Variants in PSD3 observed in about 807,000 individuals in gnomAD.
PSD3 encodes the protein pleckstrin and Sec7 domain containing 3, also known as PH and SEC7 domain-containing protein 3.
PSD3 carries 49 observed loss-of-function variants against 105.5 expected under a neutral mutation model. That is an observed-to-expected ratio of 0.46 (90% confidence interval 0.37 to 0.59). PSD3 has a LOEUF of 0.59. PSD3 is among the 20% of genes least tolerant of loss of function. PSD3 has a pLI of 0.00. For missense variants in PSD3, 1,561 were observed against 1,263.8 expected (o/e 1.24, Z -3.57); for synonymous variants, 557 against 457.8 (o/e 1.22, Z -2.77).
intron 10 of PSD3, among the ~76,000 whole-genome samples, chr8:18,635,731 G>T (rs1165500051): frequency 2.0e-5 from 3 of 152,092 alleles, no homozygotes; most frequent in Non-Finnish European, 2.9e-5. Flanking sequence ...CATGTCCTTT[G>T]CAGGGACATG....
At chr8:18,543,323 T>C (rs1800253598) in intron 15 of PSD3, among the ~76,000 whole-genome samples, 1 of 152,082 alleles carries the variant, frequency 6.6e-6, no homozygotes, top group African/African-American at 2.4e-5. Flanking sequence ...TAAAAATACT[T>C]CCCAAATATG....
At chr8:19,066,957 T>C (rs1829094641) in intron 1 of PSD3, among the ~76,000 whole-genome samples, 1 of 152,232 alleles carries the variant, frequency 6.6e-6, no homozygotes, top group South Asian at 2.1e-4. Context: ...TCAATGACTG[T>C]CTTTTCAGTC....
At chr8:18,667,949 G>C (rs1160224730) in intron 9 of PSD3, among the ~76,000 whole-genome samples, 1 of 152,232 alleles carries the variant, frequency 6.6e-6, no homozygotes, top group Non-Finnish European at 1.5e-5. Flanking sequence ...CACTGCCCGA[G>C]GCCAGCGGCA....
chr8:18,622,839 T>C (rs542533999), intron 11 of PSD3, among the ~76,000 whole-genome samples: 2 of 152,328 alleles, frequency 1.3e-5, no homozygotes, highest in East Asian at 3.9e-4. Flanking sequence ...TGCTCCCTCT[T>C]AGTTCTATCC....
intron 9 of PSD3, among the ~76,000 whole-genome samples, chr8:18,741,349 G>A (rs932827990): frequency 2.0e-5 from 3 of 152,236 alleles, no homozygotes; most frequent in African/African-American, 7.2e-5. Context: ...TAAGTGTCAG[G>A]GTCAGAACTT....
At chr8:18,784,873 G>T (rs74711316) in intron 8 of PSD3, among the ~76,000 whole-genome samples, 1 of 152,046 alleles carries the variant, frequency 6.6e-6, no homozygotes, top group Non-Finnish European at 1.5e-5. Context: ...ACACAGACAT[G>T]GCTGATTAAA....
At chr8:18,552,703 A>G (rs1454842527) in intron 15 of PSD3, among the ~76,000 whole-genome samples, 1 of 152,216 alleles carries the variant, frequency 6.6e-6, no homozygotes, top group African/African-American at 2.4e-5. Flanking sequence ...GCTATTTCTG[A>G]TATTTATTTC....
intron 10 of PSD3, among the ~76,000 whole-genome samples, chr8:18,633,161 C>A (rs1043186123): frequency 6.6e-6 from 1 of 151,980 alleles, no homozygotes; most frequent in Non-Finnish European, 1.5e-5. Flanking sequence ...TCATGTTTGT[C>A]TTCTTTCAAA....
intron 12 of PSD3, among the ~76,000 whole-genome samples, chr8:18,595,836 T>C (rs1025834568): frequency 3.3e-5 from 5 of 151,962 alleles, no homozygotes; most frequent in South Asian, 2.1e-4. Flanking sequence ...CTCTCTATAA[T>C]GTACAGAACT....
In PSD3 at chr8:18,872,645, T is replaced by C. The variant is rs755931207; in HGVS notation, c.219A>G (p.Leu73=). The change falls in exon 3 of 16, where the codon CTA becomes CTG. Residue 73 remains leucine, a synonymous_variant. Transcript: ENST00000327040. The stretch of plus-strand genomic sequence containing the variant: ...CACCATCAAATTCCAGAGAAGCCCT[T>C]AGGCCTTCTCCACCTTCCTCCATGG... The part of the protein sequence containing the change: ...YGTMEEGGEG[L]RASLEFDGEA... 1.9e-6 allele frequency: 3 copies of C among 1,613,116 alleles called. No individual in the cohort carries two copies. The highest frequency in any genetic ancestry group is 1.7e-6 in the Non-Finnish European group (2 of 1,179,726).
rs1050725077 is a variant in PSD3, at chr8:18,815,847, G to C, written c.1635-10949C>G. Among the ~76,000 whole-genome samples the C allele has an allele frequency of 1.7e-4, 26 of 152,242 alleles. 1 individual carries two copies. In the Middle Eastern group the frequency reaches 0.01, roughly 60 times the overall value. ...TGACAACATATCCTCTCTACACTGAGTTTCCCCTAAGTGCTACCTACTACA... is the reference window on the plus strand; with the variant it reads ...TGACAACATATCCTCTCTACACTGACTTTCCCCTAAGTGCTACCTACTACA... On this transcript the variant is annotated intron_variant, in intron 4 of 15. Transcript: ENST00000327040.
intron 1 of PSD3, among the ~76,000 whole-genome samples, chr8:18,946,917 T>C (rs1251299873): frequency 6.7e-6 from 1 of 149,022 alleles, no homozygotes; most frequent in Non-Finnish European, 1.5e-5. Flanking sequence ...AAAATAAAAA[T>C]AAATAAAATA....
At chr8:19,071,204 T>A (rs1191791180) in intron 1 of PSD3, among the ~76,000 whole-genome samples, 1 of 152,056 alleles carries the variant, frequency 6.6e-6, no homozygotes, top group South Asian at 2.1e-4. Context: ...GGATTACAGG[T>A]GTGCACCACC....
chr8:18,882,556 T>C (rs1311429246), intron 2 of PSD3, among the ~76,000 whole-genome samples: 1 of 152,168 alleles, frequency 6.6e-6, no homozygotes, highest in Non-Finnish European at 1.5e-5. Context: ...CAGTGGTAAA[T>C]TTCAGTGGAG....
chr8:18,594,959 C>G, intron 12 of PSD3, among the ~76,000 whole-genome samples: 1 of 151,758 alleles, frequency 6.6e-6, no homozygotes, highest in East Asian at 1.9e-4. Context: ...ATATGCAGTG[C>G]TGAGCATATG....
intron 12 of PSD3, among the ~76,000 whole-genome samples, chr8:18,580,010 C>T (rs1227296489): frequency 1.3e-5 from 2 of 152,010 alleles, no homozygotes; most frequent in Non-Finnish European, 2.9e-5. Context: ...AAGCTGGGTC[C>T]TAAATTGTCT....
intron 11 of PSD3, among the ~76,000 whole-genome samples, chr8:18,609,093 T>C (rs538954170): frequency 2.0e-5 from 3 of 152,346 alleles, no homozygotes; most frequent in South Asian, 2.1e-4. Flanking sequence ...ATTGTTTTCA[T>C]TTAACATATT....
chr8:18,773,862 C>A (rs982024689), intron 8 of PSD3, among the ~76,000 whole-genome samples: 1 of 152,160 alleles, frequency 6.6e-6, no homozygotes, highest in African/African-American at 2.4e-5. Flanking sequence ...TCAGTCTTAA[C>A]AATAAAGTTC....
intron 2 of PSD3, among the ~76,000 whole-genome samples, chr8:18,905,418 G>C (rs1406158376): frequency 1.3e-5 from 2 of 152,136 alleles, no homozygotes; most frequent in Non-Finnish European, 2.9e-5. Flanking sequence ...CCACCTCCCA[G>C]GTTCAAGCAA....
Sources: gnomAD v4.1 joint callset for allele counts (sites outside exome capture counted in the v4.1 genomes callset) on GRCh38, gnomAD v4.1.1 for gene constraint, MANE v1.5 for transcripts, NCBI Gene and HGNC (gene_info 2026-07-23, HGNC 2026-07-21) for gene names.